COL9A1: variants seen among roughly 807,000 people sequenced by gnomAD.
COL9A1 encodes collagen alpha-1(IX) chain.
In COL9A1, 104 loss-of-function variants were observed where a neutral mutation model predicts 142.6. That is an observed-to-expected ratio of 0.73 (90% CI 0.62 to 0.86). The LOEUF is 0.86. Ranked by LOEUF, COL9A1 falls within the 40% of genes least tolerant of loss-of-function variation. COL9A1 has a pLI of 0.00. For missense variants in COL9A1, 1,210 were observed against 1,176.6 expected (o/e 1.03, Z -0.42); for synonymous variants, 466 against 396.0 (o/e 1.18, Z -2.10).
At chr6:70,221,138 T>A (rs905228186) in intron 37 of COL9A1, among the ~76,000 whole-genome samples, 1 of 152,106 alleles carries the variant, frequency 6.6e-6, no homozygotes, top group Non-Finnish European at 1.5e-5. Context: ...TCATTCTCTA[T>A]AAAACCACTA....
chr6:70,265,394 A>C (rs1562313169), intron 18 of COL9A1, among the ~76,000 whole-genome samples: 1 of 151,680 alleles, frequency 6.6e-6, no homozygotes, highest in Non-Finnish European at 1.5e-5. Flanking sequence ...CCTCATGAAT[A>C]TCTTTTGATG....
intron 33 of COL9A1, among the ~76,000 whole-genome samples, chr6:70,235,704 A>G (rs1463033382): frequency 7.0e-6 from 1 of 143,314 alleles, no homozygotes; most frequent in Non-Finnish European, 1.6e-5. Flanking sequence ...CAAGAACATA[A>G]GTTATTTAGC....
intron 18 of COL9A1, among the ~76,000 whole-genome samples, chr6:70,264,753 A>G (rs915499948): frequency 1.3e-5 from 2 of 152,074 alleles, no homozygotes; most frequent in African/African-American, 4.8e-5. Flanking sequence ...TTATCATTTC[A>G]CTATGATTTT....
chr6:70,224,631 T>A (rs929775988), intron 37 of COL9A1, among the ~76,000 whole-genome samples: 43 of 152,204 alleles, frequency 2.8e-4, no homozygotes, highest in African/African-American at 1.0e-3. Context: ...CAAAACTTCC[T>A]ATTCCTACTA....
At chr6:70,234,309 A>C (rs984030373) in intron 35 of COL9A1, among the ~76,000 whole-genome samples, 2 of 151,004 alleles carry the variant, frequency 1.3e-5, no homozygotes, top group African/African-American at 2.4e-5. Flanking sequence ...CAAAACAAAA[A>C]AAAGGCAGGA....
chr6:70,288,652 A>C (rs767574386), intron 5 of COL9A1, among the ~76,000 whole-genome samples: 4 of 152,124 alleles, frequency 2.6e-5, no homozygotes, highest in Non-Finnish European at 5.9e-5. Flanking sequence ...GTTCTCAGAC[A>C]TCACACACCT....
chr6:70,282,790 G>A lies in COL9A1; in HGVS notation c.801+108C>T, dbSNP rs555452520. On this transcript the variant is annotated intron_variant, in intron 7 of 37. Coordinates refer to ENST00000357250, the MANE Select transcript of COL9A1 (RefSeq NM_001851.6). ...GAGGCTGGAGGAAGCGCGGGTCTGA[G>A]AGCCCTGGGGATGCTCCGCGCCTTT... 14 of 1,540,418 alleles carry A rather than the reference G, an allele frequency of 9.1e-6. No individual in the cohort carries two copies. The East Asian group carries it at 1.8e-4, about 20-fold the overall frequency.
intron 36 of COL9A1, among the ~76,000 whole-genome samples, chr6:70,230,071 TG>T (rs955664574): frequency 5.9e-5 from 9 of 152,206 alleles, no homozygotes; most frequent in African/African-American, 2.2e-4. Context: ...TTACCAGGGA[TG>T]GGGAAAAAAG....
At chr6:70,261,312 G>A (rs10080300) in intron 19 of COL9A1, among the ~76,000 whole-genome samples, 3,973 of 152,196 alleles carry the variant, frequency 0.026, 79 homozygotes, top group East Asian at 0.11. Flanking sequence ...TCCTAAAAAT[G>A]AGGGGCGGGG....
At chr6:70,263,968 T>C (rs1771863025) in intron 18 of COL9A1, among the ~76,000 whole-genome samples, 1 of 151,924 alleles carries the variant, frequency 6.6e-6, no homozygotes, top group South Asian at 2.1e-4. Context: ...ATACATCTTT[T>C]TTCTTTTTTC....
At chr6:70,250,932 G>A (rs1417576410) in intron 28 of COL9A1, among the ~76,000 whole-genome samples, 1 of 152,142 alleles carries the variant, frequency 6.6e-6, no homozygotes, top group East Asian at 1.9e-4. Flanking sequence ...AAGTCTGGTG[G>A]TTTCTCCAAA....
At position 70,234,838 on chromosome 6, in the gene COL9A1, C is replaced by T. The variant is rs867499190; in HGVS notation, c.2215G>A (p.Gly739Arg). 8 of 1,614,066 alleles carry T rather than the reference C, an allele frequency of 5.0e-6. No individual in the cohort carries two copies. Among genetic ancestry groups the T allele is most frequent in the Non-Finnish European group, 6.8e-6 (8 of 1,179,980 alleles). Residue 739 changes from glycine to arginine, a missense_variant, in exon 34 of 38, where the codon GGA (glycine) becomes AGA (arginine). Coordinates refer to ENST00000357250, the MANE Select transcript of COL9A1 (RefSeq NM_001851.6). ...RGPPGPRGVQ[G>R]EQGATGLPGV... Reference sequence around the variant, plus strand: ...GGCAGGCCGGTGGCACCCTGTTCTCCCTGCACACCCCGGGGTCCAGGTGGT... The same window carrying T: ...GGCAGGCCGGTGGCACCCTGTTCTCTCTGCACACCCCGGGGTCCAGGTGGT...
At chr6:70,283,193 G>A (rs2127599396) in intron 6 of COL9A1, 2 of 1,473,770 alleles carry the variant, frequency 1.4e-6, no homozygotes, top group East Asian at 2.5e-5. Flanking sequence ...AAAGCGTCCA[G>A]GCCCGGGAGG....
rs1031413732 is a variant in COL9A1 at position 70,217,020 on chromosome 6, C to T, written c.2643G>A (p.Gly881=). The part of the protein sequence containing the change: ...NGRDGERGPP[G]VAGIPGVPGP... The stretch of plus-strand genomic sequence containing the variant: ...CAGGCACTCCAGGAATTCCTGCCAC[C>T]CCTGGGGGGCCTCGCTCACCGTCTC... The change falls in exon 38 of 38, where the codon GGG becomes GGA. Residue 881 remains glycine, a synonymous_variant. Transcript: ENST00000357250. The T allele has an allele frequency of 1.2e-6, 2 of 1,614,040 alleles. No individual in the cohort carries two copies. The highest frequency in any genetic ancestry group is 2.7e-5 in the African/African-American group (2 of 74,936).
In COL9A1 at chr6:70,294,360, G is replaced by C. The variant is rs199822035; in HGVS notation, c.503C>G (p.Ala168Gly). The change falls in exon 5 of 38, where the codon GCC becomes GGC. Residue 168 changes from alanine (A) to glycine (G), a missense_variant. Physicochemically the swap from Ala to Gly is moderately conservative, Grantham distance 60. Coordinates refer to ENST00000357250, the MANE Select transcript of COL9A1 (RefSeq NM_001851.6). ...KGLDGSLQTAAFSNLSSLFDS... is the reference protein window; with the variant it reads ...KGLDGSLQTAGFSNLSSLFDS... ...AAACAAGGAGGACAAATTCGAAAAG[G>C]CTGCTGTTTGGAGACTTCCATCCAG... is the stretch of plus-strand genomic sequence containing the variant. 2.5e-6 allele frequency: 4 copies of C among 1,614,024 alleles called. No homozygotes were observed. The highest frequency in any genetic ancestry group is 3.4e-6 in the Non-Finnish European group (4 of 1,179,972).
At chr6:70,282,168 A>G (rs1773205759) in intron 7 of COL9A1, among the ~76,000 whole-genome samples, 1 of 152,248 alleles carries the variant, frequency 6.6e-6, no homozygotes, top group Non-Finnish European at 1.5e-5. Flanking sequence ...CTGAAATAGT[A>G]TAAACGTGTT....
chr6:70,262,323 G>A (rs557651972), intron 19 of COL9A1, among the ~76,000 whole-genome samples: 1 of 152,150 alleles, frequency 6.6e-6, no homozygotes, highest in Non-Finnish European at 1.5e-5. Context: ...TTCTCATGTG[G>A]CTTGAAAGCA....
chr6:70,240,635 T>TAA (rs1400461132), intron 32 of COL9A1, 54 bp downstream of exon 32: 30 of 1,284,962 alleles, frequency 2.3e-5, no homozygotes, highest in Non-Finnish European at 2.8e-5. Flanking sequence ...TATATACTTC[T>TAA]AACAGTTCAA....
chr6:70,236,586 G>A (rs1463178308), intron 33 of COL9A1, among the ~76,000 whole-genome samples: 1 of 152,148 alleles, frequency 6.6e-6, no homozygotes, highest in African/African-American at 2.4e-5. Context: ...TGAAGAAGGC[G>A]ATGAAGCAAT....
Sources: allele counts gnomAD v4.1 joint callset (sites outside exome capture counted in the v4.1 genomes callset), GRCh38; gene constraint gnomAD v4.1.1; transcripts MANE v1.5; gene names NCBI Gene and HGNC (gene_info 2026-07-23, HGNC 2026-07-21).